MBTPS1: variants seen among roughly 807,000 people sequenced by gnomAD.
MBTPS1 encodes the protein membrane bound transcription factor peptidase, site 1.
MBTPS1 carries 94 observed loss-of-function variants against 127.8 expected under a neutral mutation model. The observed-to-expected ratio is 0.74, with a 90% CI of 0.62 to 0.87. MBTPS1 has a LOEUF of 0.87. Ranked by LOEUF, MBTPS1 falls within the 40% of genes least tolerant of loss-of-function variation. The pLI is 0.00. For synonymous variants in MBTPS1, 632 were observed against 509.4 expected, an observed-to-expected ratio of 1.24 and a Z score of -3.24; for missense variants, 1,636 against 1,353.2, an observed-to-expected ratio of 1.21 and a Z score of -3.28.
chr16:84,068,910 C>T (rs1011063475), intron 14 of MBTPS1, among the ~76,000 whole-genome samples: 1 of 152,194 alleles, frequency 6.6e-6, no homozygotes, highest in African/African-American at 2.4e-5. Flanking sequence ...TTTCCATCCC[C>T]GTCCCTCCCA....
At chr16:84,088,331 A>G (rs898995945) in intron 8 of MBTPS1, among the ~76,000 whole-genome samples, 2 of 152,096 alleles carry the variant, frequency 1.3e-5, no homozygotes, top group African/African-American at 4.8e-5. Context: ...TTCCCAACAC[A>G]CCGAGAAAAA....
At chr16:84,074,510 C>G in intron 12 of MBTPS1, 87 bp downstream of exon 12, 1 of 1,409,666 alleles carries the variant, frequency 7.1e-7, no homozygotes, top group Non-Finnish European at 9.7e-7. Flanking sequence ...CCTTTTTTAA[C>G]TTCAGCAGAA....
chr16:84,078,820 C>T (rs1377950537), intron 11 of MBTPS1, among the ~76,000 whole-genome samples: 1 of 152,160 alleles, frequency 6.6e-6, no homozygotes, highest in Non-Finnish European at 1.5e-5. Flanking sequence ...TATGTATGTG[C>T]TCATTTGTGG....
intron 9 of MBTPS1, 45 bp from the exon 10 acceptor site, chr16:84,085,179 T>C (rs1398859103): frequency 1.3e-6 from 2 of 1,588,018 alleles, no homozygotes; most frequent in African/African-American, 1.3e-5. Context: ...CACATTGGCA[T>C]ACAGCCGCAT....
At chr16:84,074,265 T>C (rs1174466284) in intron 12 of MBTPS1, among the ~76,000 whole-genome samples, 1 of 151,800 alleles carries the variant, frequency 6.6e-6, no homozygotes, top group Non-Finnish European at 1.5e-5. Flanking sequence ...GACAAGGTCT[T>C]GCTCTGTCAT....
At position 84,056,017 on chromosome 16, in the gene MBTPS1, C is replaced by G. The variant is rs146299475; in HGVS notation, c.2950G>C (p.Asp984His). 3.1e-6 allele frequency: 5 copies of G among 1,612,590 alleles called. No individual in the cohort carries two copies. The South Asian group carries it at 3.3e-5, about 11-fold the overall frequency. ...PLSPGESGAW[D>H]IPGGIMPGRY... ...GCCGAGAACTCACCTCCAGGAATGT[C>G]CCAGGCGCCGCTCTCTCCAGGGGAC... The change falls in exon 22 of 23, where the codon GAC becomes CAC. Residue 984 changes from aspartate to histidine, a missense_variant. By Grantham distance (81) the Asp-to-His change is moderately conservative (BLOSUM62 -1). Transcript: ENST00000343411.
chr16:84,081,758 C>A lies in MBTPS1; in HGVS notation c.1437G>T (p.Lys479Asn). The A allele has an allele frequency of 3.5e-6, 5 of 1,419,548 alleles. No individual in the cohort carries two copies. The highest frequency in any genetic ancestry group is 4.6e-6 in the Non-Finnish European group (5 of 1,076,686). The allele number at this position is 1,419,548 out of a possible 1,614,324, so 87.9% of individuals were successfully genotyped here. A position where few individuals can be genotyped will look rare whatever the true frequency, so the allele number is the denominator to read the frequency against. ...GGCGGTGCACTGACCTTGCCTGTGG[C>A]TTGTAGCTGTTGAGGATCTGATAGG... ...LRAYQILNSY[K>N]PQASLSPSYI... Residue 479 changes from lysine to asparagine, a missense_variant, in exon 11 of 23, where the codon AAG becomes AAT. By Grantham distance (94) the Lys-to-Asn change is moderately conservative (BLOSUM62 0). Transcript: ENST00000343411.
At position 84,077,081 on chromosome 16, in the gene MBTPS1, C is replaced by T. The variant is rs556526907; in HGVS notation, c.1449-2340G>A. On this transcript the variant is annotated intron_variant, in intron 11 of 22. Coordinates refer to ENST00000343411, the MANE Select transcript of MBTPS1 (RefSeq NM_003791.4). The stretch of plus-strand genomic sequence containing the variant: ...TCTCTACTAAAAATAGAAAAATTAG[C>T]GGGGCATGGGGGTATGTACCTGCAG... Among the ~76,000 whole-genome samples the T allele has an allele frequency of 1.2e-4, 18 of 151,872 alleles. No individual in the cohort carries two copies. The South Asian group carries it at 2.1e-3, about 18-fold the overall frequency.
chr16:84,109,944 C>T (rs2086376533), intron 1 of MBTPS1, among the ~76,000 whole-genome samples: 1 of 152,180 alleles, frequency 6.6e-6, no homozygotes, highest in South Asian at 2.1e-4. Flanking sequence ...AGTATCAGGT[C>T]TGCAATTTAC....
intron 3 of MBTPS1, among the ~76,000 whole-genome samples, chr16:84,098,784 A>G (rs2086214072): frequency 6.6e-6 from 1 of 152,160 alleles, no homozygotes; most frequent in Non-Finnish European, 1.5e-5. Context: ...AGAAACAAAG[A>G]TCACTACCAT....
Position 84,108,685 on chromosome 16 carries a change from G to A in MBTPS1, c.-324-6578C>T, listed in dbSNP as rs371596263. Among the ~76,000 whole-genome samples the A allele has an allele frequency of 1.6e-4, 24 of 152,338 alleles. No homozygotes were observed. In the East Asian group the frequency reaches 3.1e-3, roughly 20 times the overall value. ...GAGAATGGCAGAAGCCCACTACAGG[G>A]TCTTAAGAGTCTGAGCGGAGTGAGG... On this transcript the variant is annotated intron_variant, in intron 1 of 22. Coordinates refer to ENST00000343411, the MANE Select transcript of MBTPS1 (RefSeq NM_003791.4).
In MBTPS1 at chr16:84,074,613, C is replaced by A. The variant is rs758469487; in HGVS notation, c.1577G>T (p.Gly526Val). 5 of 1,613,940 alleles carry A rather than the reference C, an allele frequency of 3.1e-6. No homozygotes were observed. The highest frequency in any genetic ancestry group is 3.3e-4 in the Middle Eastern group (2 of 6,062). The stretch of plus-strand genomic sequence containing the variant: ...AAGTTTCACCTTATCTACAATTCTT[C>A]CTGTGACTCCCATGCCGTTGAGGAT... ...VTILNGMGVT[G>V]RIVDKPDWQP... Residue 526 changes from glycine (G) to valine (V), a missense_variant, in exon 12 of 23, where the codon GGA (glycine) becomes GTA (valine). Coordinates refer to ENST00000343411, the MANE Select transcript of MBTPS1 (RefSeq NM_003791.4).
At chr16:84,095,834 C>G (rs1358099366) in intron 3 of MBTPS1, 29 bp from the exon 4 acceptor site, 4 of 1,594,262 alleles carry the variant, frequency 2.5e-6, no homozygotes, top group East Asian at 2.2e-5. Flanking sequence ...AAGATCAGAA[C>G]AGAAGAGCAA....
chr16:84,106,662 A>G (rs2151172037), intron 1 of MBTPS1, among the ~76,000 whole-genome samples: 1 of 152,348 alleles, frequency 6.6e-6, no homozygotes, highest in East Asian at 1.9e-4. Context: ...GACTGGGAAG[A>G]GAAAGCATGA....
intron 12 of MBTPS1, among the ~76,000 whole-genome samples, chr16:84,073,725 G>C (rs115910018): frequency 0.035 from 5,361 of 152,052 alleles, 147 homozygotes; most frequent in African/African-American, 0.066. Context: ...TAGAATACTG[G>C]CTGGTGCGGT....
rs371129194 is a variant in MBTPS1, at chr16:84,088,469, G to A, written c.1032-1009C>T. On this transcript the variant is annotated intron_variant, in intron 8 of 22. Coordinates refer to ENST00000343411, the MANE Select transcript of MBTPS1 (RefSeq NM_003791.4). ...ATTCCCAGGAACTCAAGGAGCAGAGGCTGGTACAGAAGTCACTGACAGAAA... is the reference window on the plus strand; with the variant it reads ...ATTCCCAGGAACTCAAGGAGCAGAGACTGGTACAGAAGTCACTGACAGAAA... Among the ~76,000 whole-genome samples the A allele has an allele frequency of 5.4e-4, 82 of 152,264 alleles. 2 individuals are homozygous for A. Among genetic ancestry groups the A allele is most frequent in the African/African-American group, 1.8e-3 (76 of 41,544 alleles).
At chr16:84,071,626 A>C (rs187559484) in intron 12 of MBTPS1, among the ~76,000 whole-genome samples, 1 of 152,344 alleles carries the variant, frequency 6.6e-6, no homozygotes, top group Non-Finnish European at 1.5e-5. Flanking sequence ...AATCATATAC[A>C]TAAAAATTAG....
intron 9 of MBTPS1, chr16:84,086,283 G>A (rs1332696025): frequency 2.0e-5 from 3 of 151,836 alleles, no homozygotes; most frequent in Non-Finnish European, 4.4e-5. Context: ...GGGGAGCTGG[G>A]GACAAAGTGG....
chr16:84,065,156 T>C (rs1482388171), intron 18 of MBTPS1, among the ~76,000 whole-genome samples: 1 of 151,870 alleles, frequency 6.6e-6, no homozygotes, highest in Non-Finnish European at 1.5e-5. Context: ...CTCCCTCTGT[T>C]GCCCAGGCTG....
Sources: gnomAD v4.1 joint callset for allele counts (sites outside exome capture counted in the v4.1 genomes callset) on GRCh38, gnomAD v4.1.1 for gene constraint, MANE v1.5 for transcripts, NCBI Gene and HGNC (gene_info 2026-07-23, HGNC 2026-07-21) for gene names.